The following DISP1 variants were observed in gnomAD, a reference collection of about 807,000 sequenced individuals.
The protein encoded by DISP1 is dispatched RND transporter family member 1.
A neutral mutation model predicts 37.3 loss-of-function variants in DISP1; 30 were observed. That is an observed-to-expected ratio of 0.80 (90% CI 0.60 to 1.09). The LOEUF is 1.09. Ranked by LOEUF, DISP1 falls within the 50% of genes least tolerant of loss-of-function variation. DISP1 has a pLI of 0.00. For synonymous variants in DISP1, 634 were observed against 690.2 expected (o/e 0.92, Z 1.28); for missense variants, 1,598 against 1,879.5 (o/e 0.85, Z 2.77).
chr1:223,003,737 C>A lies in DISP1; in HGVS notation c.2340C>A (p.Gly780=). The A allele has an allele frequency of 6.2e-7, 1 of 1,614,134 alleles. No homozygotes were observed. ...TCATGTTTGAACGTGTTCACCATGG[C>A]GAGGAGCTCCACATGCCCATCACAG... The part of the protein sequence containing the change: ...KLFMFERVHH[G]EELHMPITVI... The change falls in exon 9 of 9, where the codon GGC becomes GGA. Residue 780 remains glycine, a synonymous_variant. Coordinates refer to ENST00000675850, the MANE Select transcript of DISP1 (RefSeq NM_001377229.1). This position sits in a 1 kb window ranked among gnomAD's most constrained non-coding sequence, Gnocchi z 4.3.
intron 3 of DISP1, among the ~76,000 whole-genome samples, chr1:222,975,088 C>T (rs1677215744): frequency 6.6e-6 from 1 of 152,124 alleles, no homozygotes; most frequent in African/African-American, 2.4e-5. Flanking sequence ...CTTCATGGTG[C>T]AATCTTGCCT....
Position 223,004,192 on chromosome 1 carries a change from T to A in DISP1, c.2795T>A (p.Leu932His). Reference protein sequence around the residue: ...AVVLEFQSTYLFTLAYEKMHQ... With the variant: ...AVVLEFQSTYHFTLAYEKMHQ... Reference sequence around the variant, plus strand: ...GTGTTAGAGTTCCAGAGTACCTACCTCTTCACACTGGCTTATGAAAAGATG... The same window carrying A: ...GTGTTAGAGTTCCAGAGTACCTACCACTTCACACTGGCTTATGAAAAGATG... Residue 932 changes from leucine (L) to histidine (H), a missense_variant, in exon 9 of 9, where the codon CTC (leucine) becomes CAC (histidine). By Grantham distance (99) the Leu-to-His change is moderately conservative. Coordinates refer to ENST00000675850, the MANE Select transcript of DISP1 (RefSeq NM_001377229.1). The surrounding 1 kb of genome is among the most constrained non-coding windows in gnomAD (Gnocchi z 4.9). 6.2e-7 allele frequency: 1 copy of A among 1,614,174 alleles called. No homozygotes were observed. Among genetic ancestry groups the A allele is most frequent in the Non-Finnish European group, 8.5e-7 (1 of 1,180,020 alleles).
At chr1:222,940,728 A>G (rs1674319629) in intron 2 of DISP1, among the ~76,000 whole-genome samples, 1 of 152,240 alleles carries the variant, frequency 6.6e-6, no homozygotes, top group Admixed American at 6.5e-5. Flanking sequence ...TGGAAAGGGC[A>G]GGAGGAGTTG....
chr1:222,892,963 A>G (rs965458811), intron 1 of DISP1, among the ~76,000 whole-genome samples: 7 of 152,206 alleles, frequency 4.6e-5, no homozygotes, highest in African/African-American at 1.4e-4. Flanking sequence ...TGTGTTTTAA[A>G]TTTTTATTAA....
intron 8 of DISP1, among the ~76,000 whole-genome samples, chr1:222,998,102 A>G (rs1679199300): frequency 6.6e-6 from 1 of 151,968 alleles, no homozygotes; most frequent in African/African-American, 2.4e-5. Flanking sequence ...AGTAATAACT[A>G]TTGGTTAACA....
At chr1:222,968,107 A>T (rs1422328596) in intron 3 of DISP1, among the ~76,000 whole-genome samples, 1 of 152,222 alleles carries the variant, frequency 6.6e-6, no homozygotes, top group Non-Finnish European at 1.5e-5. Context: ...CAATGGATAC[A>T]CTAGGAAAAA....
Position 222,992,085 on chromosome 1 carries a change from G to A in DISP1, c.864G>A (p.Lys288=), listed in dbSNP as rs1247629718. The change falls in exon 7 of 9, where the codon AAG becomes AAA. Residue 288 remains lysine, a synonymous_variant. Transcript: ENST00000675850. ...EKREVDWNFH[K]DSFFCDVPSD... ...GAGAAGTTGACTGGAACTTCCACAA[G>A]GACAGCTTTTTCTGCGACGTTCCAA... 5 of 1,613,846 alleles carry A rather than the reference G, an allele frequency of 3.1e-6. No homozygotes were observed. The highest frequency in any genetic ancestry group is 1.3e-5 in the African/African-American group (1 of 75,030).
At chr1:222,955,292 C>A (rs535242946) in intron 3 of DISP1, among the ~76,000 whole-genome samples, 1 of 152,112 alleles carries the variant, frequency 6.6e-6, no homozygotes, top group East Asian at 1.9e-4. Context: ...ACCGTGTTGG[C>A]CAGGCTGGTC....
chr1:222,823,440 A>G (rs1663460944), intron 1 of DISP1, among the ~76,000 whole-genome samples: 1 of 152,232 alleles, frequency 6.6e-6, no homozygotes. Flanking sequence ...AGAAAGTCAA[A>G]TACTACATGT....
intron 1 of DISP1, among the ~76,000 whole-genome samples, chr1:222,853,096 G>A (rs943266519): frequency 6.6e-6 from 1 of 152,106 alleles, no homozygotes; most frequent in African/African-American, 2.4e-5. Context: ...AAAAAAGAGA[G>A]TCTTTCATTT....
rs577878026 is a variant in DISP1 at position 222,922,409 on chromosome 1, G to A, written c.-158-6021G>A. Reference sequence around the variant, plus strand: ...AAGTTAATCTAAGAAAGTAGCAGAGGAAATGGAAAGGATGGGTATATGTGA... The same window carrying A: ...AAGTTAATCTAAGAAAGTAGCAGAGAAAATGGAAAGGATGGGTATATGTGA... On this transcript the variant is annotated intron_variant, in intron 1 of 8. Transcript: ENST00000675850. Among the ~76,000 whole-genome samples, 6 of 152,250 alleles carry A rather than the reference G, an allele frequency of 3.9e-5. No individual in the cohort carries two copies. The South Asian group carries it at 1.2e-3, about 32-fold the overall frequency.
intron 1 of DISP1, among the ~76,000 whole-genome samples, chr1:222,891,890 A>G (rs17163538): frequency 0.19 from 28,217 of 152,004 alleles, 2,888 homozygotes; most frequent in Middle Eastern, 0.33. Flanking sequence ...AGAATTGGCA[A>G]TGAAGGGAAG....
intron 3 of DISP1, among the ~76,000 whole-genome samples, chr1:222,963,114 G>C (rs992330476): frequency 6.6e-6 from 1 of 152,058 alleles, no homozygotes; most frequent in Non-Finnish European, 1.5e-5. Context: ...ATTGGGCAAA[G>C]GATATAAACA....
chr1:222,874,930 G>A (rs572411993), intron 1 of DISP1, among the ~76,000 whole-genome samples: 83 of 151,990 alleles, frequency 5.5e-4, no homozygotes, highest in African/African-American at 1.9e-3. Context: ...CATACACATG[G>A]GTTTTTGGTG....
intron 1 of DISP1, among the ~76,000 whole-genome samples, chr1:222,822,113 A>G (rs1000832881): frequency 6.6e-6 from 1 of 152,210 alleles, no homozygotes; most frequent in African/African-American, 2.4e-5. Context: ...AAAACGGAAT[A>G]TACAGGATTG....
At position 223,005,328 on chromosome 1, in the gene DISP1, G is replaced by A. The variant is rs143356409; in HGVS notation, c.3931G>A (p.Gly1311Ser). The A allele has an allele frequency of 1.7e-4, 276 of 1,613,544 alleles. 2 individuals carry two copies. In the African/African-American group the frequency reaches 3.2e-3, roughly 19 times the overall value. Reference protein sequence around the residue: ...TTSSFVQIQNGVAPLKATHQA... With the variant: ...TTSSFVQIQNSVAPLKATHQA... ...TAGCAGCTTTGTCCAGATCCAAAAC[G>A]GCGTGGCACCTCTGAAGGCCACACA... is the stretch of plus-strand genomic sequence containing the variant. Residue 1311 changes from glycine to serine, a missense_variant, in exon 9 of 9, where the codon GGC becomes AGC. Coordinates refer to ENST00000675850, the MANE Select transcript of DISP1 (RefSeq NM_001377229.1).
chr1:222,846,686 G>A (rs1255158968), intron 1 of DISP1, among the ~76,000 whole-genome samples: 3 of 152,242 alleles, frequency 2.0e-5, no homozygotes, highest in Non-Finnish European at 4.4e-5. Context: ...AAGTAGAATG[G>A]CCTGTGGCCA....
At chr1:222,882,595 G>A (rs1205064512) in intron 1 of DISP1, among the ~76,000 whole-genome samples, 2 of 152,078 alleles carry the variant, frequency 1.3e-5, no homozygotes, top group East Asian at 1.9e-4. Flanking sequence ...ATGAATAAAT[G>A]GAGAAAAATA....
chr1:222,881,660 C>T (rs894134154), intron 1 of DISP1, among the ~76,000 whole-genome samples: 11 of 152,134 alleles, frequency 7.2e-5, no homozygotes, highest in African/African-American at 2.4e-4. Flanking sequence ...GATTCGTTGG[C>T]AAGGGCCTAC....
Sources: allele counts gnomAD v4.1 joint callset (sites outside exome capture counted in the v4.1 genomes callset), GRCh38; gene constraint gnomAD v4.1.1; non-coding constraint Gnocchi (gnomAD v3.1); transcripts MANE v1.5; gene names NCBI Gene and HGNC (gene_info 2026-07-23, HGNC 2026-07-21).